KANK1: variants seen among roughly 807,000 people sequenced by gnomAD.
KANK1 encodes the protein KN motif and ankyrin repeat domains 1.
In KANK1, 109 loss-of-function variants were observed where a neutral mutation model predicts 106.2. The observed-to-expected ratio is 1.03, with a 90% CI of 0.88 to 1.20. The LOEUF (loss-of-function observed/expected upper bound fraction) is 1.20, where lower values mean the gene tolerates loss of function less well. Among genes scored for constraint, KANK1 ranks in the 50% most tolerant of loss-of-function variants. The probability of loss-of-function intolerance (pLI) is 0.00; values close to 1 mark genes in which losing one functional copy is unlikely to be tolerated. For missense variants in KANK1, 2,399 were observed against 1,710.7 expected (o/e 1.40, Z -7.10); for synonymous variants, 873 against 652.2 (o/e 1.34, Z -5.16).
intron 2 of KANK1, among the ~76,000 whole-genome samples, chr9:694,134 C>T (rs1324792669): frequency 1.4e-4 from 21 of 152,166 alleles, no homozygotes; most frequent in Admixed American, 1.4e-3. Context: ...TAGGGAGTTG[C>T]TCAATATTCA....
At chr9:731,085 C>T in intron 4 of KANK1, 73 bp from the exon 5 acceptor site, 1 of 750,092 alleles carries the variant, frequency 1.3e-6, no homozygotes, top group Non-Finnish European at 2.2e-6. Context: ...GAGAAAAGAA[C>T]TGTACAGGAA....
At chr9:630,774 G>T (rs923393136) in intron 1 of KANK1, among the ~76,000 whole-genome samples, 3 of 151,454 alleles carry the variant, frequency 2.0e-5, no homozygotes, top group East Asian at 3.9e-4. Flanking sequence ...GTGGTGGCAG[G>T]CGCCTGTAAT....
At chr9:534,558 G>A (rs746637937) in intron 1 of KANK1, among the ~76,000 whole-genome samples, 20 of 152,170 alleles carry the variant, frequency 1.3e-4, no homozygotes, top group Non-Finnish European at 2.8e-4. Context: ...TTAATCATTT[G>A]CCCCTTAGTT....
intron 1 of KANK1, among the ~76,000 whole-genome samples, chr9:618,367 C>T (rs1832348567): frequency 6.6e-6 from 1 of 151,980 alleles, no homozygotes. Context: ...GCCACCACAC[C>T]CAGTTAATTT....
chr9:531,738 C>T (rs1055470157), intron 1 of KANK1, among the ~76,000 whole-genome samples: 19 of 152,156 alleles, frequency 1.2e-4, no homozygotes, highest in African/African-American at 4.6e-4. Flanking sequence ...TGTAGTGAAC[C>T]AGAGACCATT....
chr9:738,525 C>A lies in KANK1; in HGVS notation c.3553+21C>A, dbSNP rs186785228. On this transcript the variant is annotated intron_variant, in intron 8 of 11. Transcript: ENST00000382297. ...TGCCGGTATGTTGGCTGCCCTTCCA[C>A]CCTCTCTTCTCTAACAGTACTTGGG... The A allele has an allele frequency of 2.4e-5, 38 of 1,582,702 alleles. No individual in the cohort carries two copies. In the East Asian group the frequency reaches 7.2e-4, roughly 30 times the overall value.
At chr9:609,294 A>T (rs1177738678) in intron 1 of KANK1, among the ~76,000 whole-genome samples, 1 of 152,168 alleles carries the variant, frequency 6.6e-6, no homozygotes, top group Non-Finnish European at 1.5e-5. Flanking sequence ...GTTCTTTGGG[A>T]ATTCCTTAAA....
Position 705,575 on chromosome 9 carries a change from GA to G in KANK1, c.38-5219del, listed in dbSNP as rs984040787. Among the ~76,000 whole-genome samples, 306 of 146,116 alleles carry G rather than the reference GA, an allele frequency of 2.1e-3. 1 individual carries two copies. The highest frequency in any genetic ancestry group is 7.0e-3 in the African/African-American group (280 of 39,806). Reference sequence around the variant, plus strand: ...GTGTGTGGTTGGGAGAGGAAGCAATGAAAAAAAAAATGTATATTTTTTTTGG... The same window carrying G: ...GTGTGTGGTTGGGAGAGGAAGCAATGAAAAAAAAATGTATATTTTTTTTGG... On this transcript the variant is annotated intron_variant, in intron 2 of 11. Transcript: ENST00000382297.
chr9:687,021 A>ATTTCTTTTCT lies in KANK1; in HGVS notation c.37+10021_37+10030dup, dbSNP rs60015547. The ATTTCTTTTCT allele has an allele frequency of 5.1e-3, 3,293 of 645,872 alleles. 106 individuals are homozygous for ATTTCTTTTCT. In the African/African-American group the frequency reaches 0.064, roughly 13 times the overall value. 40.0% of individuals were successfully genotyped at this position (645,872 alleles called of 1,614,324 possible). On this transcript the variant is annotated intron_variant, in intron 2 of 11. Coordinates refer to ENST00000382297, the MANE Select transcript of KANK1 (RefSeq NM_015158.5). ...GATGAGACTTTGCAGATACTGCTGA[A>ATTTCTTTTCT]TTTCTTTTCTTTTCTTTTTTTTTAA...
intron 1 of KANK1, among the ~76,000 whole-genome samples, chr9:666,159 T>G (rs1415279018): frequency 9.2e-5 from 14 of 151,902 alleles, no homozygotes. Flanking sequence ...CAAACCTGGG[T>G]GACAGAGCAA....
At chr9:489,631 C>T (rs2058345979) in intron 3 of KANK1, among the ~76,000 whole-genome samples, 1 of 152,142 alleles carries the variant, frequency 6.6e-6, no homozygotes, top group Non-Finnish European at 1.5e-5. Context: ...CTTCACTGGG[C>T]TCCACAACTA....
At chr9:692,173 G>T (rs1008964458) in intron 2 of KANK1, among the ~76,000 whole-genome samples, 1 of 152,156 alleles carries the variant, frequency 6.6e-6, no homozygotes, top group African/African-American at 2.4e-5. Context: ...GCTCATCTTG[G>T]TGCCTGCACA....
At chr9:691,801 G>A (rs1266750043) in intron 2 of KANK1, among the ~76,000 whole-genome samples, 50 of 140,518 alleles carry the variant, frequency 3.6e-4, no homozygotes, top group African/African-American at 1.2e-3. Flanking sequence ...TTTTTTGGTA[G>A]AGACAGAGTG....
At chr9:588,111 C>T (rs1223335801) in intron 1 of KANK1, among the ~76,000 whole-genome samples, 4 of 151,510 alleles carry the variant, frequency 2.6e-5, no homozygotes, top group Admixed American at 1.3e-4. Context: ...TGCCCATGTT[C>T]ACATAGCTGG....
rs578096699 is a variant in KANK1 at position 737,523 on chromosome 9, C to T, written c.3334-762C>T. Among the ~76,000 whole-genome samples, 4 of 152,336 alleles carry T rather than the reference C, an allele frequency of 2.6e-5. No individual in the cohort carries two copies. In the South Asian group the frequency reaches 6.2e-4, roughly 24 times the overall value. The stretch of plus-strand genomic sequence containing the variant: ...TGACTGCTCAGTCTCCACTGAGCTT[C>T]ATGTGACCCAGGGTTGAGTTGATCA... On this transcript the variant is annotated intron_variant, in intron 7 of 11. Transcript: ENST00000382297.
chr9:634,393 C>A (rs982286287), intron 1 of KANK1, among the ~76,000 whole-genome samples: 4 of 152,112 alleles, frequency 2.6e-5, no homozygotes, highest in Non-Finnish European at 5.9e-5. Context: ...ACTCGGTTGC[C>A]TGAATGCAAA....
At chr9:683,218 G>A (rs143352050) in intron 2 of KANK1, among the ~76,000 whole-genome samples, 23 of 152,314 alleles carry the variant, frequency 1.5e-4, no homozygotes, top group Non-Finnish European at 2.2e-4. Flanking sequence ...GGTACCCTCC[G>A]TGACTTTTCA....
chr9:501,028 C>G (rs1043005424), upstream of KANK1, among the ~76,000 whole-genome samples: 2 of 152,084 alleles, frequency 1.3e-5, no homozygotes, highest in African/African-American at 2.4e-5. Context: ...CCAAAACTTT[C>G]TGATTCACTG....
chr9:722,762 A>C (rs1231934731), intron 3 of KANK1, among the ~76,000 whole-genome samples: 1 of 152,222 alleles, frequency 6.6e-6, no homozygotes, highest in Non-Finnish European at 1.5e-5. Flanking sequence ...AAGCCTCAGT[A>C]GAATCCTCAT....
Sources: gnomAD v4.1 joint callset for allele counts (sites outside exome capture counted in the v4.1 genomes callset) on GRCh38, gnomAD v4.1.1 for gene constraint, MANE v1.5 for transcripts, NCBI Gene and HGNC (gene_info 2026-07-23, HGNC 2026-07-21) for gene names.